The following IMPG1 variants were observed in gnomAD, a reference collection of about 807,000 sequenced individuals.
IMPG1 encodes interphotoreceptor matrix proteoglycan of 150 kDa.
In IMPG1, 85 loss-of-function variants were observed where a neutral mutation model predicts 92.0. The observed-to-expected ratio is 0.92, with a 90% CI of 0.78 to 1.11. IMPG1 has a LOEUF of 1.11. IMPG1 is among the 50% of genes least tolerant of loss of function. The pLI is 0.00. For missense variants in IMPG1, 1,022 were observed against 956.0 expected, an observed-to-expected ratio of 1.07 and a Z score of -0.91; for synonymous variants, 367 against 334.1, an observed-to-expected ratio of 1.10 and a Z score of -1.08.
intron 12 of IMPG1, among the ~76,000 whole-genome samples, chr6:75,952,343 C>T (rs1782047266): frequency 1.3e-5 from 2 of 152,138 alleles, no homozygotes; most frequent in Admixed American, 1.3e-4. Flanking sequence ...AATCTCTGGA[C>T]TCTCAGTCAG....
intron 12 of IMPG1, among the ~76,000 whole-genome samples, chr6:75,956,925 T>G (rs1186420338): frequency 6.6e-6 from 1 of 152,096 alleles, no homozygotes; most frequent in Admixed American, 6.6e-5. Flanking sequence ...TCTTTTTTTC[T>G]TTTTTATTTT....
intron 2 of IMPG1, among the ~76,000 whole-genome samples, chr6:76,038,278 G>T (rs1267733909): frequency 6.6e-6 from 1 of 151,966 alleles, no homozygotes; most frequent in Admixed American, 6.6e-5. Context: ...CTTCCATAAG[G>T]GCCCTGAAAG....
chr6:75,984,630 A>C (rs1782684332), intron 12 of IMPG1, among the ~76,000 whole-genome samples: 1 of 152,232 alleles, frequency 6.6e-6, no homozygotes, highest in Admixed American at 6.5e-5. Flanking sequence ...TACATATTTC[A>C]AAATATCATT....
At chr6:75,992,437 C>A (rs1475952071) in intron 12 of IMPG1, among the ~76,000 whole-genome samples, 1 of 152,158 alleles carries the variant, frequency 6.6e-6, no homozygotes, top group African/African-American at 2.4e-5. Flanking sequence ...CATGGTGATC[C>A]AGACTCTTTG....
chr6:76,007,132 C>G (rs924520801), intron 9 of IMPG1, among the ~76,000 whole-genome samples: 3 of 152,046 alleles, frequency 2.0e-5, no homozygotes, highest in Non-Finnish European at 4.4e-5. Flanking sequence ...TATGTGTGTG[C>G]TTTCAGATAG....
intron 2 of IMPG1, among the ~76,000 whole-genome samples, chr6:76,039,276 C>T (rs1783794164): frequency 6.6e-6 from 1 of 151,796 alleles, no homozygotes; most frequent in African/African-American, 2.4e-5. Context: ...CTGCAGACAA[C>T]ATGGAGTAGA....
intron 12 of IMPG1, among the ~76,000 whole-genome samples, chr6:75,955,442 G>A (rs1782102737): frequency 6.6e-6 from 1 of 152,156 alleles, no homozygotes; most frequent in Non-Finnish European, 1.5e-5. Flanking sequence ...AGAAATACTT[G>A]TGATTTTTGC....
intron 1 of IMPG1, among the ~76,000 whole-genome samples, chr6:76,043,094 GAGAA>G (rs1783872878): frequency 6.6e-6 from 1 of 151,962 alleles, no homozygotes; most frequent in Admixed American, 6.6e-5. Flanking sequence ...TTGGGCTTGG[GAGAA>G]AGAGAGAGAG....
intron 4 of IMPG1, among the ~76,000 whole-genome samples, chr6:76,028,656 C>G (rs141164138): frequency 6.6e-6 from 1 of 152,086 alleles, no homozygotes; most frequent in East Asian, 1.9e-4. Context: ...GATGAAACCC[C>G]GTCTCTACTA....
intron 12 of IMPG1, among the ~76,000 whole-genome samples, chr6:75,990,311 A>G (rs904151923): frequency 6.6e-6 from 1 of 152,228 alleles, no homozygotes; most frequent in African/African-American, 2.4e-5. Flanking sequence ...CGGGCCAACT[A>G]GCAATGAAGA....
At chr6:76,014,247 G>A (rs1003853589) in intron 7 of IMPG1, among the ~76,000 whole-genome samples, 2 of 152,196 alleles carry the variant, frequency 1.3e-5, no homozygotes, top group African/African-American at 4.8e-5. Context: ...GCCAGCTCCT[G>A]AGAGCCCATT....
intron 4 of IMPG1, among the ~76,000 whole-genome samples, chr6:76,031,976 T>G (rs947187534): frequency 1.3e-5 from 2 of 152,254 alleles, no homozygotes; most frequent in Non-Finnish European, 2.9e-5. Context: ...GGCTTTTATT[T>G]CAAAGTCATT....
chr6:75,985,431 T>G (rs1000086140), intron 12 of IMPG1, among the ~76,000 whole-genome samples: 2 of 152,104 alleles, frequency 1.3e-5, no homozygotes, highest in Non-Finnish European at 2.9e-5. Flanking sequence ...ATTTTCCAGG[T>G]GGGACCAGAT....
chr6:75,975,408 A>G (rs1238200230), intron 12 of IMPG1, among the ~76,000 whole-genome samples: 1 of 152,204 alleles, frequency 6.6e-6, no homozygotes, highest in Non-Finnish European at 1.5e-5. Context: ...AGATTATGAA[A>G]TGGGTTTAAA....
At chr6:75,960,582 C>G (rs1782199293) in intron 12 of IMPG1, among the ~76,000 whole-genome samples, 1 of 152,136 alleles carries the variant, frequency 6.6e-6, no homozygotes, top group Non-Finnish European at 1.5e-5. Flanking sequence ...TTAAAAGACT[C>G]CTACTCTCTT....
At chr6:76,038,694 T>A (rs529481149) in intron 2 of IMPG1, among the ~76,000 whole-genome samples, 5 of 152,238 alleles carry the variant, frequency 3.3e-5, no homozygotes, top group Non-Finnish European at 2.9e-5. Flanking sequence ...ACTGCCACAG[T>A]GATTCTAGAG....
chr6:75,985,892 CAT>C (rs1235382297), intron 12 of IMPG1, among the ~76,000 whole-genome samples: 1 of 152,106 alleles, frequency 6.6e-6, no homozygotes, highest in Admixed American at 6.5e-5. Context: ...TAAAAGAAAA[CAT>C]AACAATATAT....
intron 11 of IMPG1, 101 bp from the exon 12 acceptor site, chr6:76,003,097 A>G (rs1286471547): frequency 1.6e-5 from 13 of 808,266 alleles, no homozygotes; most frequent in Non-Finnish European, 2.5e-5. Context: ...AAATTTAGGC[A>G]AACTATTTTG....
intron 12 of IMPG1, among the ~76,000 whole-genome samples, chr6:75,984,423 G>T (rs1180553865): frequency 6.6e-6 from 1 of 152,192 alleles, no homozygotes; most frequent in East Asian, 1.9e-4. Flanking sequence ...CAACATGGAT[G>T]AACTTGAAGG....
Sources: allele counts gnomAD v4.1 joint callset (sites outside exome capture counted in the v4.1 genomes callset), GRCh38; gene constraint gnomAD v4.1.1; transcripts MANE v1.5; gene names NCBI Gene and HGNC (gene_info 2026-07-23, HGNC 2026-07-21).